The following TUSC3 variants were observed in gnomAD, a reference collection of about 807,000 sequenced individuals.
The protein encoded by TUSC3 is dolichyl-diphosphooligosaccharide--protein glycosyltransferase subunit TUSC3.
Under a neutral mutation model 44.8 loss-of-function variants are expected in TUSC3, and 45 were observed. That is an observed-to-expected ratio of 1.00 (90% confidence interval 0.79 to 1.29). The LOEUF is 1.29. TUSC3 is among the 50% of genes most tolerant of loss of function. The pLI, the probability that TUSC3 is intolerant of heterozygous loss-of-function variation, is 0.00. For synonymous variants in TUSC3, 212 were observed against 152.9 expected (o/e 1.39, Z -2.85); for missense variants, 519 against 437.9 (o/e 1.19, Z -1.65).
chr8:15,712,226 G>A (rs1047720237), intron 6 of TUSC3, among the ~76,000 whole-genome samples: 3 of 151,882 alleles, frequency 2.0e-5, no homozygotes, highest in East Asian at 3.9e-4. Context: ...TTCATTCTTC[G>A]TCTTCAGACA....
chr8:15,632,011 C>G (rs1367816424), intron 2 of TUSC3, among the ~76,000 whole-genome samples: 2 of 152,060 alleles, frequency 1.3e-5, no homozygotes, highest in Non-Finnish European at 2.9e-5. Flanking sequence ...CCGGCCAAGG[C>G]TATTCTTATA....
chr8:15,470,150 C>T (rs1377359722), intron 1 of TUSC3, among the ~76,000 whole-genome samples: 1 of 151,356 alleles, frequency 6.6e-6, no homozygotes, highest in Non-Finnish European at 1.5e-5. Flanking sequence ...TAGTGCGTGC[C>T]TGTAGTCCCA....
intron 2 of TUSC3, among the ~76,000 whole-genome samples, chr8:15,625,935 C>T (rs143457327): frequency 6.6e-6 from 1 of 152,142 alleles, no homozygotes; most frequent in African/African-American, 2.4e-5. Flanking sequence ...ACACTATTGT[C>T]AGAATTGGGC....
the TUSC3 span, among the ~76,000 whole-genome samples, chr8:15,829,839 A>T: frequency 6.6e-6 from 1 of 152,056 alleles, no homozygotes; most frequent in African/African-American, 2.4e-5. Context: ...TGGGTCTAAT[A>T]GTTTTAATTT....
At chr8:15,473,315 A>C (rs1013899351) in intron 1 of TUSC3, among the ~76,000 whole-genome samples, 31 of 152,170 alleles carry the variant, frequency 2.0e-4, no homozygotes, top group Admixed American at 5.9e-4. Context: ...ACACTGCAAC[A>C]AAAAAATTTC....
the TUSC3 span, among the ~76,000 whole-genome samples, chr8:15,811,024 G>A: frequency 6.6e-6 from 1 of 152,076 alleles, no homozygotes; most frequent in African/African-American, 2.4e-5. Flanking sequence ...TAAATAAGAA[G>A]CAAGCTCATC....
chr8:15,602,893 A>G (rs890018707), intron 1 of TUSC3, among the ~76,000 whole-genome samples: 9 of 151,684 alleles, frequency 5.9e-5, no homozygotes. Flanking sequence ...ACCTTGTAAC[A>G]TAAATAAAAA....
At chr8:15,680,553 T>C (rs1808381083) in intron 6 of TUSC3, among the ~76,000 whole-genome samples, 1 of 152,136 alleles carries the variant, frequency 6.6e-6, no homozygotes, top group Non-Finnish European at 1.5e-5. Flanking sequence ...CTTTGACTTA[T>C]TCTTTTCCTA....
intron 2 of TUSC3, among the ~76,000 whole-genome samples, chr8:15,487,810 CGTT>C (rs1479671293): frequency 6.6e-6 from 1 of 151,652 alleles, no homozygotes; most frequent in Non-Finnish European, 1.5e-5. Flanking sequence ...CATTTGACAT[CGTT>C]GTTTTAAAAT....
At chr8:15,540,162 CG>C (rs1406150009), upstream of TUSC3, 6 of 421,108 alleles carry the variant, frequency 1.4e-5, no homozygotes, top group Non-Finnish European at 2.5e-5. Flanking sequence ...CGGGCGGGAG[CG>C]CACGCCGCGC....
rs181706211 is a variant in TUSC3 at position 15,614,333 on chromosome 8, A to G, written c.139-8747A>G. The stretch of plus-strand genomic sequence containing the variant: ...ACATTTCTTAACATGCACTCATTTA[A>G]GTGTATGATTAAATGACTTTCAGTA... On this transcript the variant is annotated intron_variant, in intron 1 of 10. Coordinates refer to ENST00000503731, the MANE Select transcript of TUSC3 (RefSeq NM_006765.4). Among the ~76,000 whole-genome samples, 32 of 152,184 alleles carry G rather than the reference A, an allele frequency of 2.1e-4. 1 individual carries two copies. Among genetic ancestry groups the G allele is most frequent in the East Asian group, 1.2e-3 (6 of 5,164 alleles).
chr8:15,480,068 C>G (rs1450575339), intron 1 of TUSC3, among the ~76,000 whole-genome samples: 1 of 151,982 alleles, frequency 6.6e-6, no homozygotes, highest in Non-Finnish European at 1.5e-5. Flanking sequence ...AAAGAGAATA[C>G]AATACCTAGG....
intron 1 of TUSC3, among the ~76,000 whole-genome samples, chr8:15,581,916 C>A (rs540611797): frequency 2.1e-5 from 3 of 145,994 alleles, no homozygotes; most frequent in African/African-American, 8.2e-5. Flanking sequence ...GCCTCGCTGC[C>A]GCCTTGCAGT....
At chr8:15,557,032 G>A (rs1302461143) in intron 1 of TUSC3, among the ~76,000 whole-genome samples, 1 of 133,260 alleles carries the variant, frequency 7.5e-6, no homozygotes, top group Admixed American at 7.9e-5. Flanking sequence ...GTCAATTTTG[G>A]CTTTTGTTGC....
the TUSC3 span, among the ~76,000 whole-genome samples, chr8:15,827,432 G>C: frequency 6.6e-6 from 1 of 152,152 alleles, no homozygotes; most frequent in Non-Finnish European, 1.5e-5. Flanking sequence ...GGGATTCAAT[G>C]GGTAGTGTTC....
chr8:15,709,033 C>G (rs919953739), intron 6 of TUSC3, among the ~76,000 whole-genome samples: 1 of 151,796 alleles, frequency 6.6e-6, no homozygotes, highest in African/African-American at 2.4e-5. Flanking sequence ...AGATAGAACT[C>G]CAACTAATAG....
chr8:15,567,680 A>T (rs1231324607), intron 1 of TUSC3, among the ~76,000 whole-genome samples: 1 of 152,114 alleles, frequency 6.6e-6, no homozygotes, highest in Non-Finnish European at 1.5e-5. Flanking sequence ...ATGGGTTGGG[A>T]TAGATACTAG....
At chr8:15,495,380 C>T (rs1800867906) in intron 2 of TUSC3, among the ~76,000 whole-genome samples, 2 of 152,162 alleles carry the variant, frequency 1.3e-5, no homozygotes, top group Admixed American at 1.3e-4. Flanking sequence ...AATTATTTAT[C>T]TTCCTAGTAT....
intron 2 of TUSC3, among the ~76,000 whole-genome samples, chr8:15,502,286 A>G (rs920967968): frequency 2.6e-5 from 4 of 152,190 alleles, no homozygotes; most frequent in African/African-American, 7.2e-5. Context: ...CCAAATGCCC[A>G]ATTAAATTGT....
Sources: gnomAD v4.1 joint callset for allele counts (sites outside exome capture counted in the v4.1 genomes callset) on GRCh38, gnomAD v4.1.1 for gene constraint, MANE v1.5 for transcripts, NCBI Gene and HGNC (gene_info 2026-07-23, HGNC 2026-07-21) for gene names.